Variants in PCDHGB1 observed in about 807,000 individuals in gnomAD.
PCDHGB1 encodes protocadherin gamma-B1.
In PCDHGB1, 34 loss-of-function variants were observed where a neutral mutation model predicts 56.6. The ratio of observed to expected loss-of-function variants is 0.60; its 90% CI spans 0.46 to 0.80. PCDHGB1 has a LOEUF of 0.80. Among genes scored for constraint, PCDHGB1 ranks in the 30% least tolerant of loss-of-function variants. PCDHGB1 has a pLI of 0.00. For synonymous variants in PCDHGB1, 561 were observed against 505.9 expected, an observed-to-expected ratio of 1.11 and a Z score of -1.46; for missense variants, 1,278 against 1,204.6, an observed-to-expected ratio of 1.06 and a Z score of -0.90.
intron 1 of PCDHGB1, chr5:141,383,000 C>T (rs1330577304): frequency 6.2e-7 from 1 of 1,613,646 alleles, no homozygotes; most frequent in Non-Finnish European, 8.5e-7. Context: ...ATTCTCTACT[C>T]CGTGTCGGAG....
At chr5:141,372,835 C>G in intron 1 of PCDHGB1, 2 of 1,535,142 alleles carry the variant, frequency 1.3e-6, no homozygotes, top group Non-Finnish European at 1.8e-6. Flanking sequence ...CCTTTCCTTC[C>G]ATAAATATAA....
At chr5:141,403,901 A>G in intron 1 of PCDHGB1, 3 of 1,613,926 alleles carry the variant, frequency 1.9e-6, no homozygotes, top group Non-Finnish European at 2.5e-6. Context: ...ATTTTATGAA[A>G]TGGAAATACA....
intron 1 of PCDHGB1, chr5:141,360,018 A>T: frequency 3.3e-6 from 4 of 1,225,148 alleles, no homozygotes; most frequent in Non-Finnish European, 4.4e-6. Flanking sequence ...CACACAGAGA[A>T]GGCCAGTATA....
intron 1 of PCDHGB1, among the ~76,000 whole-genome samples, chr5:141,455,028 G>A (rs2098810519): frequency 6.6e-6 from 1 of 150,780 alleles, no homozygotes; most frequent in Non-Finnish European, 1.5e-5. Flanking sequence ...TAGCCAGGAT[G>A]GTCTCGATCT....
In PCDHGB1 at chr5:141,402,356, T is replaced by C. The variant is rs183915738; in HGVS notation, c.2409+49687T>C. Among the ~76,000 whole-genome samples, 46 of 152,098 alleles carry C rather than the reference T, an allele frequency of 3.0e-4. 1 individual carries two copies. Among genetic ancestry groups the C allele is most frequent in the African/African-American group, 1.0e-3 (43 of 41,550 alleles). On this transcript the variant is annotated intron_variant, in intron 1 of 3. Coordinates refer to ENST00000523390, the MANE Select transcript of PCDHGB1 (RefSeq NM_018922.3). ...TATAGGTATAAAAATTAAAAATGAA[T>C]GTACTTCCAAACAAGATTGCACATA...
At chr5:141,498,073 T>C (rs1474889879) in intron 2 of PCDHGB1, among the ~76,000 whole-genome samples, 1 of 152,214 alleles carries the variant, frequency 6.6e-6, no homozygotes, top group Non-Finnish European at 1.5e-5. Context: ...CTGTCATAAG[T>C]GCTAGGTAGA....
intron 1 of PCDHGB1, chr5:141,433,165 C>T: frequency 2.5e-6 from 4 of 1,613,470 alleles, no homozygotes; most frequent in Non-Finnish European, 2.5e-6. Context: ...TTTCTAAAGA[C>T]AGTCATGGGT....
intron 1 of PCDHGB1, chr5:141,356,609 C>T: frequency 6.2e-7 from 1 of 1,614,184 alleles, no homozygotes; most frequent in Non-Finnish European, 8.5e-7. Context: ...AGAGGAGCCT[C>T]CATCTTATCT....
intron 1 of PCDHGB1, chr5:141,415,164 G>A: frequency 1.9e-6 from 3 of 1,613,838 alleles, no homozygotes; most frequent in African/African-American, 2.7e-5. Flanking sequence ...CCACTGTCAC[G>A]CTCACCGTGG....
intron 1 of PCDHGB1, chr5:141,383,860 G>A: frequency 6.2e-7 from 1 of 1,613,926 alleles, no homozygotes; most frequent in Non-Finnish European, 8.5e-7. Flanking sequence ...GGAGGTTCAG[G>A]CTCAAGATGG....
At chr5:141,422,762 C>T in intron 1 of PCDHGB1, 1 of 1,613,392 alleles carries the variant, frequency 6.2e-7, no homozygotes. Flanking sequence ...AACTCCAACA[C>T]TGGTGTTCTC....
chr5:141,451,809 A>C (rs1316571749), intron 1 of PCDHGB1, among the ~76,000 whole-genome samples: 1 of 150,308 alleles, frequency 6.7e-6, no homozygotes, highest in Non-Finnish European at 1.5e-5. Flanking sequence ...TGAACCCAGG[A>C]GGCGGAGGTT....
rs1561857042 is a variant in PCDHGB1, at chr5:141,432,038, C to CG, written c.2410-62765dup. 3 of 1,614,190 alleles carry CG rather than the reference C, an allele frequency of 1.9e-6. No individual in the cohort carries two copies. The highest frequency in any genetic ancestry group is 2.5e-6 in the Non-Finnish European group (3 of 1,180,032). Reference sequence around the variant, plus strand: ...CAACATCACAGTGACCGCCACTGACCGGGGAACCCCGCCCCTATCCACGGA... The same window carrying CG: ...CAACATCACAGTGACCGCCACTGACCGGGGGAACCCCGCCCCTATCCACGGA... On this transcript the variant is annotated intron_variant, in intron 1 of 3. Transcript: ENST00000523390. The surrounding 1 kb of genome is among the most constrained non-coding windows in gnomAD (Gnocchi z 6.0).
At chr5:141,376,195 C>T (rs1312737468) in intron 1 of PCDHGB1, 3 of 1,614,172 alleles carry the variant, frequency 1.9e-6, no homozygotes, top group Admixed American at 1.7e-5. Flanking sequence ...CCTGCGTCTT[C>T]CTGGCCTTCG....
In PCDHGB1 at chr5:141,491,049, G is replaced by A. The variant is rs369146505; in HGVS notation, c.2410-3758G>A. Reference sequence around the variant, plus strand: ...TGGATGCTGATGCAGGCCACAATGCGTGGCTCTCCTACTCACTGTTGCCAC... The same window carrying A: ...TGGATGCTGATGCAGGCCACAATGCATGGCTCTCCTACTCACTGTTGCCAC... On this transcript the variant is annotated intron_variant, in intron 1 of 3. Coordinates refer to ENST00000523390, the MANE Select transcript of PCDHGB1 (RefSeq NM_018922.3). This position sits in a 1 kb window ranked among gnomAD's most constrained non-coding sequence, Gnocchi z 6.9. The A allele has an allele frequency of 3.3e-5, 53 of 1,614,116 alleles. No individual in the cohort carries two copies. The African/African-American group carries it at 5.5e-4, about 17-fold the overall frequency.
intron 1 of PCDHGB1, chr5:141,384,223 G>A (rs1779858487): frequency 6.2e-7 from 1 of 1,613,742 alleles, no homozygotes; most frequent in African/African-American, 1.3e-5. Context: ...ATTCATGCAG[G>A]TGGCAGACAC....
chr5:141,376,297 G>A (rs1283407370), intron 1 of PCDHGB1: 4 of 1,614,068 alleles, frequency 2.5e-6, no homozygotes, highest in Admixed American at 3.3e-5. Flanking sequence ...TGCCCGGCTC[G>A]CACTTTGTGG....
At chr5:141,395,276 A>G in intron 1 of PCDHGB1, 1 of 1,543,522 alleles carries the variant, frequency 6.5e-7, no homozygotes. Flanking sequence ...TTTCCAGATG[A>G]ATTTTATTTG....
At chr5:141,410,699 A>T (rs760193148) in intron 1 of PCDHGB1, 1 of 1,478,344 alleles carries the variant, frequency 6.8e-7, no homozygotes, top group East Asian at 2.3e-5. Flanking sequence ...CTTTATTTTC[A>T]TATCTAGAAT....
Sources: gnomAD v4.1 joint callset for allele counts (sites outside exome capture counted in the v4.1 genomes callset) on GRCh38, gnomAD v4.1.1 for gene constraint, Gnocchi (gnomAD v3.1) non-coding constraint, MANE v1.5 for transcripts, NCBI Gene and HGNC (gene_info 2026-07-23, HGNC 2026-07-21) for gene names.